SIPA1L2: variants seen among roughly 807,000 people sequenced by gnomAD.
The protein encoded by SIPA1L2 is signal induced proliferation associated 1 like 2.
A neutral mutation model predicts 163.9 loss-of-function variants in SIPA1L2; 56 were observed. The ratio of observed to expected loss-of-function variants is 0.34; its 90% CI spans 0.28 to 0.43. SIPA1L2 has a LOEUF of 0.43. Ranked by LOEUF, SIPA1L2 falls within the 20% of genes least tolerant of loss-of-function variation. The probability of loss-of-function intolerance (pLI) is 1.00; values close to 1 mark genes in which losing one functional copy is unlikely to be tolerated. For synonymous variants in SIPA1L2, 877 were observed against 865.7 expected (o/e 1.01, Z -0.23); for missense variants, 1,974 against 2,193.5 (o/e 0.90, Z 2.00).
At position 232,586,382 on chromosome 1, in the gene SIPA1L2, T is replaced by C. The variant is rs1660656510; in HGVS notation, c.-318-12160A>G. On this transcript the variant is annotated intron_variant, in intron 1 of 22. Coordinates refer to ENST00000674635, the MANE Select transcript of SIPA1L2 (RefSeq NM_020808.5). ...ATGTCATTTTATCTAGACAAGTTCA[T>C]CATCGCCACAGTTATTACCAGGGAG... 4.6e-5 allele frequency among the ~76,000 whole-genome samples: 7 copies of C among 152,266 alleles called. No homozygotes were observed. The South Asian group carries it at 1.5e-3, about 32-fold the overall frequency.
At chr1:232,566,485 C>T (rs1324365798) in intron 2 of SIPA1L2, among the ~76,000 whole-genome samples, 1 of 152,226 alleles carries the variant, frequency 6.6e-6, no homozygotes, top group Admixed American at 6.5e-5. Flanking sequence ...GATTCATGAA[C>T]TAAGAGTGGT....
At chr1:232,462,090 A>G (rs1189705868) in intron 9 of SIPA1L2, 1 of 857,818 alleles carries the variant, frequency 1.2e-6, no homozygotes, top group South Asian at 1.4e-5. Context: ...AGTGAGAGAG[A>G]GTCAACAGCA....
rs373194175 is a variant in SIPA1L2 at position 232,447,426 on chromosome 1, C to A, written c.3096-1640G>T. ...GTCTGACCCACATCTCAACTTAAATCTTGCCTTCTCCATAAGATTTGCTGA... is the reference window on the plus strand; with the variant it reads ...GTCTGACCCACATCTCAACTTAAATATTGCCTTCTCCATAAGATTTGCTGA... On this transcript the variant is annotated intron_variant, in intron 10 of 22. Transcript: ENST00000674635. 4.7e-4 allele frequency among the ~76,000 whole-genome samples: 72 copies of A among 152,366 alleles called. 1 individual carries two copies. The highest frequency in any genetic ancestry group is 1.7e-3 in the African/African-American group (69 of 41,590).
chr1:232,617,848 CA>C (rs1662582943), intron 1 of SIPA1L2, among the ~76,000 whole-genome samples: 1 of 152,132 alleles, frequency 6.6e-6, no homozygotes, highest in Admixed American at 6.5e-5. Context: ...CCTTTTACTT[CA>C]AAAAATGTAA....
At chr1:232,602,034 G>A (rs905415398) in intron 1 of SIPA1L2, among the ~76,000 whole-genome samples, 1 of 152,270 alleles carries the variant, frequency 6.6e-6, no homozygotes, top group Non-Finnish European at 1.5e-5. Context: ...CTTGAGAAAA[G>A]CCCTCGCATG....
intron 1 of SIPA1L2, among the ~76,000 whole-genome samples, chr1:232,618,717 A>T (rs1322428971): frequency 6.6e-6 from 1 of 152,180 alleles, no homozygotes; most frequent in Admixed American, 6.6e-5. Context: ...TCAGTGTATC[A>T]ATTATCAAGT....
chr1:232,413,466 G>A lies in SIPA1L2; in HGVS notation c.4762+2028C>T, dbSNP rs889277870. On this transcript the variant is annotated intron_variant, in intron 19 of 22. Transcript: ENST00000674635. ...GAAGGAACATTTGAAAGGGGTGGAA[G>A]GGAACCAAGTAAAGACATAAACAAG... 3.9e-5 allele frequency among the ~76,000 whole-genome samples: 6 copies of A among 152,272 alleles called. No homozygotes were observed. The South Asian group carries it at 1.0e-3, about 26-fold the overall frequency.
chr1:232,526,616 T>C (rs1409311421), intron 2 of SIPA1L2, among the ~76,000 whole-genome samples: 2 of 152,240 alleles, frequency 1.3e-5, no homozygotes, highest in East Asian at 3.9e-4. Flanking sequence ...TAACAGGCCA[T>C]GGGCCCCTGC....
intron 2 of SIPA1L2, among the ~76,000 whole-genome samples, chr1:232,567,047 ATGGATGACT>A (rs1448466767): frequency 1.3e-5 from 2 of 152,196 alleles, no homozygotes; most frequent in East Asian, 3.9e-4. Flanking sequence ...AATACGACTA[ATGGATGACT>A]TGGCCGTCTC....
intron 10 of SIPA1L2, among the ~76,000 whole-genome samples, chr1:232,455,871 GTTC>G (rs892112489): frequency 1.7e-4 from 26 of 152,274 alleles, no homozygotes; most frequent in African/African-American, 6.3e-4. Context: ...ATGCTGTCAT[GTTC>G]TTGCTTACAA....
At chr1:232,540,004 G>T (rs988408334) in intron 2 of SIPA1L2, among the ~76,000 whole-genome samples, 10 of 152,122 alleles carry the variant, frequency 6.6e-5, no homozygotes, top group African/African-American at 2.4e-4. Context: ...CTCCCAGCAA[G>T]TTAAAACTTC....
At chr1:232,608,656 T>A (rs756273910) in intron 1 of SIPA1L2, among the ~76,000 whole-genome samples, 3 of 152,168 alleles carry the variant, frequency 2.0e-5, no homozygotes, top group Non-Finnish European at 2.9e-5. Context: ...TAAAGATGTT[T>A]CTCTGCGTGC....
At chr1:232,577,524 T>C (rs1243332903) in intron 1 of SIPA1L2, among the ~76,000 whole-genome samples, 2 of 152,192 alleles carry the variant, frequency 1.3e-5, no homozygotes, top group African/African-American at 4.8e-5. Context: ...GCAATTCCTC[T>C]GGTGGATCTG....
intron 7 of SIPA1L2, 75 bp downstream of exon 7, chr1:232,479,552 T>TG: frequency 1.8e-6 from 2 of 1,121,140 alleles, no homozygotes; most frequent in Non-Finnish European, 2.7e-6. Context: ...AAGTTCTACA[T>TG]GCATCAATAT....
chr1:232,465,128 C>T lies in SIPA1L2; in HGVS notation c.2532G>A (p.Arg844=). The change falls in exon 9 of 23, where the codon AGG becomes AGA. Residue 844 remains arginine, a synonymous_variant. Coordinates refer to ENST00000674635, the MANE Select transcript of SIPA1L2 (RefSeq NM_020808.5). This position sits in a 1 kb window ranked among gnomAD's most constrained non-coding sequence, Gnocchi z 4.1. Reference sequence around the variant, plus strand: ...CAATGCTAAACAAGTGGGCATCCTTCCTTGGCTTTACCTTCTCCTTTTTCT... The same window carrying T: ...CAATGCTAAACAAGTGGGCATCCTTTCTTGGCTTTACCTTCTCCTTTTTCT... ...GAKKKEKVKP[R]KDAHLFSIGA... 2 of 1,614,176 alleles carry T rather than the reference C, an allele frequency of 1.2e-6. No homozygotes were observed. The highest frequency in any genetic ancestry group is 2.2e-5 in the East Asian group (1 of 44,878).
At chr1:232,619,168 G>A (rs886864812) in intron 1 of SIPA1L2, among the ~76,000 whole-genome samples, 10 of 152,108 alleles carry the variant, frequency 6.6e-5, no homozygotes, top group Admixed American at 5.9e-4. Flanking sequence ...TCTTGGAGAG[G>A]GCCTACAGTT....
At chr1:232,604,628 T>C (rs1661791955) in intron 1 of SIPA1L2, among the ~76,000 whole-genome samples, 1 of 152,178 alleles carries the variant, frequency 6.6e-6, no homozygotes, top group African/African-American at 2.4e-5. Flanking sequence ...GTGATGTGGC[T>C]TGGATCTGTG....
At chr1:232,535,217 C>T (rs1328725917) in intron 2 of SIPA1L2, among the ~76,000 whole-genome samples, 1 of 152,094 alleles carries the variant, frequency 6.6e-6, no homozygotes, top group Non-Finnish European at 1.5e-5. Context: ...AGAAAGTACG[C>T]GTATGCCTAA....
chr1:232,627,345 C>T (rs1274020007), intron 1 of SIPA1L2, among the ~76,000 whole-genome samples: 1 of 152,144 alleles, frequency 6.6e-6, no homozygotes, highest in Non-Finnish European at 1.5e-5. Flanking sequence ...TTTCAATTAC[C>T]AAACAACTGG....
Sources: gnomAD v4.1 joint callset for allele counts (sites outside exome capture counted in the v4.1 genomes callset) on GRCh38, gnomAD v4.1.1 for gene constraint, Gnocchi (gnomAD v3.1) non-coding constraint, MANE v1.5 for transcripts, NCBI Gene and HGNC (gene_info 2026-07-23, HGNC 2026-07-21) for gene names.